NEBL: variants seen among roughly 807,000 people sequenced by gnomAD.
NEBL encodes nebulette.
NEBL carries 122 observed loss-of-function variants against 140.2 expected under a neutral mutation model. The observed-to-expected ratio is 0.87, with a 90% confidence interval of 0.75 to 1.01. The LOEUF (loss-of-function observed/expected upper bound fraction) is 1.01, where lower values mean the gene tolerates loss of function less well. NEBL is among the 50% of genes least tolerant of loss of function. The pLI is 0.00. For synonymous variants in NEBL, 436 were observed against 398.9 expected, an observed-to-expected ratio of 1.09 and a Z score of -1.11; for missense variants, 1,365 against 1,231.3, an observed-to-expected ratio of 1.11 and a Z score of -1.62.
At chr10:20,839,993 A>G (rs1013953646) in intron 13 of NEBL, among the ~76,000 whole-genome samples, 8 of 152,158 alleles carry the variant, frequency 5.3e-5, no homozygotes, top group East Asian at 1.9e-4. Flanking sequence ...CAGTAACTCA[A>G]TCTTCGGATT....
At chr10:20,866,455 G>T (rs1186358287) in intron 7 of NEBL, among the ~76,000 whole-genome samples, 1 of 152,110 alleles carries the variant, frequency 6.6e-6, no homozygotes, top group African/African-American at 2.4e-5. Flanking sequence ...TGTTCTCTAA[G>T]CAATGGCTTA....
chr10:20,972,306 C>T (rs1331154318), intron 3 of NEBL, among the ~76,000 whole-genome samples: 2 of 152,172 alleles, frequency 1.3e-5, no homozygotes, highest in Non-Finnish European at 2.9e-5. Flanking sequence ...TTCCTAACCT[C>T]CCTCTCATAC....
At chr10:20,819,003 T>C in intron 20 of NEBL, 6 of 981,366 alleles carry the variant, frequency 6.1e-6, no homozygotes, top group Non-Finnish European at 4.9e-6. Flanking sequence ...CATGTACATA[T>C]TCACTTTTTC....
At chr10:21,185,487 CTTTTTTTTTTTTTTTT>C (rs10612676) in intron 3 of NEBL, among the ~76,000 whole-genome samples, 2 of 72,050 alleles carry the variant, frequency 2.8e-5, no homozygotes, top group Admixed American at 1.6e-4. Flanking sequence ...ATTTTCTTTC[CTTTTTTTTTTTTTTTT>C]TTTTTTTTTT....
chr10:20,937,847 ACAG>A (rs1298783565), intron 4 of NEBL, among the ~76,000 whole-genome samples: 1 of 152,126 alleles, frequency 6.6e-6, no homozygotes, highest in Non-Finnish European at 1.5e-5. Flanking sequence ...CATTGCTAGC[ACAG>A]CAGTCTGAGA....
chr10:20,833,553 C>T (rs551937962), intron 14 of NEBL, among the ~76,000 whole-genome samples: 12 of 151,974 alleles, frequency 7.9e-5, no homozygotes, highest in Admixed American at 2.6e-4. Context: ...ACCAGAGCCA[C>T]GTGAATCAAT....
chr10:21,060,104 T>C (rs1260015148), intron 2 of NEBL, among the ~76,000 whole-genome samples: 1 of 152,192 alleles, frequency 6.6e-6, no homozygotes, highest in African/African-American at 2.4e-5. Context: ...AAATAGCAGC[T>C]GGAGATGCAG....
intron 13 of NEBL, 54 bp from the exon 14 acceptor site, chr10:20,835,677 C>T: frequency 8.2e-7 from 1 of 1,217,342 alleles, no homozygotes; most frequent in Non-Finnish European, 1.2e-6. Context: ...AAACATGCAT[C>T]TGCAGTCAAT....
chr10:21,228,791 G>T (rs1002947238), intron 3 of NEBL, among the ~76,000 whole-genome samples: 1 of 152,178 alleles, frequency 6.6e-6, no homozygotes, highest in East Asian at 1.9e-4. Context: ...TGAAACCTTT[G>T]CCCCAACTGC....
chr10:21,230,604 C>CA (rs1842233816), intron 3 of NEBL, among the ~76,000 whole-genome samples: 1 of 125,508 alleles, frequency 8.0e-6, no homozygotes. Context: ...AACTGGAAAC[C>CA]TTTTTTTTTT....
intron 19 of NEBL, among the ~76,000 whole-genome samples, chr10:20,822,652 TATATATAG>T (rs1239299848): frequency 1.3e-5 from 2 of 150,730 alleles, no homozygotes; most frequent in South Asian, 2.1e-4. Context: ...TAATATAGGC[TATATATAG>T]ATATATAGAG....
intron 11 of NEBL, among the ~76,000 whole-genome samples, chr10:20,847,829 T>G (rs1440942063): frequency 6.6e-6 from 1 of 152,218 alleles, no homozygotes; most frequent in Non-Finnish European, 1.5e-5. Flanking sequence ...AACGTAACAT[T>G]ATAAACCTGT....
At chr10:21,131,608 G>A (rs1337068219) in intron 2 of NEBL, among the ~76,000 whole-genome samples, 1 of 152,156 alleles carries the variant, frequency 6.6e-6, no homozygotes, top group African/African-American at 2.4e-5. Context: ...AATGTGGAAA[G>A]AGACAACATT....
At chr10:21,088,634 A>G (rs1208468304) in intron 2 of NEBL, among the ~76,000 whole-genome samples, 2 of 152,220 alleles carry the variant, frequency 1.3e-5, no homozygotes, top group African/African-American at 4.8e-5. Context: ...ATGGAAATAC[A>G]GTCTACTATA....
intron 3 of NEBL, among the ~76,000 whole-genome samples, chr10:21,239,786 G>A: frequency 6.6e-6 from 1 of 152,156 alleles, no homozygotes; most frequent in East Asian, 1.9e-4. Context: ...GGAGGTTGAG[G>A]TGGGCGGATT....
Position 20,782,379 on chromosome 10 carries a change from C to G in NEBL, c.*3368G>C, listed in dbSNP as rs957414117. 1.3e-5 allele frequency: 2 copies of G among 152,610 alleles called. No individual in the cohort carries two copies. The highest frequency in any genetic ancestry group is 3.8e-4 in the East Asian group (2 of 5,204). The allele number at this position is 152,610 out of a possible 1,614,324, so 9.5% of individuals were successfully genotyped here. A position where few individuals can be genotyped will look rare whatever the true frequency, so the allele number is the denominator to read the frequency against. On this transcript the variant is annotated 3_prime_UTR_variant, in exon 28 of 28. Coordinates refer to ENST00000377122, the MANE Select transcript of NEBL (RefSeq NM_006393.3). ...GGGATGTGTTATTAAAGATCACACA[C>G]ATTTTCTTCATCTTTTATTGAAAAC...
chr10:21,113,653 G>A (rs1838151377), intron 2 of NEBL, among the ~76,000 whole-genome samples: 1 of 151,992 alleles, frequency 6.6e-6, no homozygotes. Flanking sequence ...AGAATGTGTT[G>A]TCCAAAATGT....
intron 2 of NEBL, among the ~76,000 whole-genome samples, chr10:21,158,859 T>C (rs553434626): frequency 6.6e-6 from 1 of 152,334 alleles, no homozygotes; most frequent in East Asian, 1.9e-4. Context: ...CTAAATAGGA[T>C]TTTTTTCTGT....
intron 2 of NEBL, chr10:21,020,332 A>G (rs951921762): frequency 5.3e-6 from 4 of 761,120 alleles, no homozygotes; most frequent in Non-Finnish European, 9.2e-6. Flanking sequence ...GAGCTTGGCT[A>G]AGGTCATCTC....
Sources: allele counts gnomAD v4.1 joint callset (sites outside exome capture counted in the v4.1 genomes callset), GRCh38; gene constraint gnomAD v4.1.1; transcripts MANE v1.5; gene names NCBI Gene and HGNC (gene_info 2026-07-23, HGNC 2026-07-21).